The following WDR70 variants were observed in gnomAD, a reference collection of about 807,000 sequenced individuals.
WDR70 encodes WD repeat-containing protein 70.
A neutral mutation model predicts 88.6 loss-of-function variants in WDR70; 53 were observed. The ratio of observed to expected loss-of-function variants is 0.60; its 90% CI spans 0.48 to 0.75. The LOEUF is 0.75. WDR70 is among the 30% of genes least tolerant of loss of function. WDR70 has a pLI of 0.00. For synonymous variants in WDR70, 280 were observed against 270.0 expected, an observed-to-expected ratio of 1.04 and a Z score of -0.36; for missense variants, 610 against 823.2, an observed-to-expected ratio of 0.74 and a Z score of 3.17.
chr5:37,432,127 CA>C (rs1412305270), intron 5 of WDR70, among the ~76,000 whole-genome samples: 1 of 152,170 alleles, frequency 6.6e-6, no homozygotes, highest in Non-Finnish European at 1.5e-5. Context: ...GAGATACTAC[CA>C]AGCTGTTTTC....
At chr5:37,480,022 T>G (rs1393711013) in intron 8 of WDR70, 35 bp downstream of exon 8, 2 of 1,581,144 alleles carry the variant, frequency 1.3e-6, no homozygotes, top group East Asian at 2.2e-5. Context: ...ATGAATTAAT[T>G]CAGCACACAT....
At chr5:37,438,567 A>C (rs80072962) in intron 6 of WDR70, among the ~76,000 whole-genome samples, 5,369 of 152,206 alleles carry the variant, frequency 0.035, 327 homozygotes, top group African/African-American at 0.12. Context: ...GTAGTAGTTA[A>C]ATGAGTGAAA....
intron 13 of WDR70, among the ~76,000 whole-genome samples, chr5:37,718,717 C>G (rs1427110102): frequency 6.6e-6 from 1 of 152,082 alleles, no homozygotes; most frequent in Non-Finnish European, 1.5e-5. Context: ...AAATTGTCTC[C>G]AGCTCTACCT....
intron 17 of WDR70, among the ~76,000 whole-genome samples, chr5:37,740,518 A>T (rs1414894713): frequency 6.6e-6 from 1 of 152,192 alleles, no homozygotes; most frequent in Admixed American, 6.6e-5. Context: ...AACAACACAC[A>T]GCTCTTATTA....
chr5:37,527,914 C>G (rs536454943), intron 9 of WDR70, among the ~76,000 whole-genome samples: 1 of 152,278 alleles, frequency 6.6e-6, no homozygotes, highest in East Asian at 1.9e-4. Context: ...AAATTCAAAT[C>G]AAAACCACAA....
At chr5:37,515,382 T>G (rs967631661) in intron 8 of WDR70, among the ~76,000 whole-genome samples, 1 of 152,232 alleles carries the variant, frequency 6.6e-6, no homozygotes, top group Non-Finnish European at 1.5e-5. Context: ...GCCTATGATA[T>G]GCAGATAGAA....
At chr5:37,712,819 A>G (rs1316663425) in intron 13 of WDR70, among the ~76,000 whole-genome samples, 1 of 151,946 alleles carries the variant, frequency 6.6e-6, no homozygotes, top group African/African-American at 2.4e-5. Context: ...CTTGTGCCTC[A>G]GCCTCTCTAA....
intron 8 of WDR70, among the ~76,000 whole-genome samples, chr5:37,513,896 AG>A (rs1429208985): frequency 6.6e-5 from 10 of 152,170 alleles, no homozygotes; most frequent in African/African-American, 2.4e-4. Context: ...AGACACACCC[AG>A]GATCAATACT....
chr5:37,408,168 CAGTA>C (rs1417452902), intron 5 of WDR70, among the ~76,000 whole-genome samples: 24 of 151,998 alleles, frequency 1.6e-4, no homozygotes, highest in Non-Finnish European at 2.2e-4. Context: ...GCATTTTTGT[CAGTA>C]AGAAGGTAGA....
intron 10 of WDR70, among the ~76,000 whole-genome samples, chr5:37,623,117 C>T (rs558116597): frequency 1.3e-5 from 2 of 152,230 alleles, no homozygotes; most frequent in African/African-American, 2.4e-5. Flanking sequence ...TCAAGACTTT[C>T]TGCTTGGTAA....
At chr5:37,714,645 C>T (rs781434205) in intron 13 of WDR70, among the ~76,000 whole-genome samples, 1 of 152,144 alleles carries the variant, frequency 6.6e-6, no homozygotes, top group African/African-American at 2.4e-5. Context: ...CTAAGTGGAT[C>T]CCATGAGGTG....
At chr5:37,710,536 G>A (rs1747483191) in intron 13 of WDR70, among the ~76,000 whole-genome samples, 1 of 152,102 alleles carries the variant, frequency 6.6e-6, no homozygotes, top group South Asian at 2.1e-4. Flanking sequence ...ATTAGGGTGA[G>A]GCAAGTGAGA....
At chr5:37,546,681 G>A (rs552847667) in intron 9 of WDR70, among the ~76,000 whole-genome samples, 9 of 152,182 alleles carry the variant, frequency 5.9e-5, no homozygotes, top group Admixed American at 2.0e-4. Context: ...GACTTTGGGA[G>A]GCTGAGGCGG....
chr5:37,495,487 CGTGT>C lies in WDR70; in HGVS notation c.840+15513_840+15516del, dbSNP rs546438882. On this transcript the variant is annotated intron_variant, in intron 8 of 17. Transcript: ENST00000265107. ...CTCTTTCTCTCTCTCTGTGTGTGTG[CGTGT>C]GTGTGTGTGTGTTTTGAGGAAACCA... Among the ~76,000 whole-genome samples the C allele has an allele frequency of 2.3e-3, 344 of 149,860 alleles. 2 individuals carry two copies. The highest frequency in any genetic ancestry group is 8.0e-3 in the African/African-American group (326 of 40,862).
intron 10 of WDR70, among the ~76,000 whole-genome samples, chr5:37,671,711 G>GTAA (rs1746031354): frequency 6.6e-6 from 1 of 152,130 alleles, no homozygotes; most frequent in Admixed American, 6.5e-5. Flanking sequence ...ATACACTAGA[G>GTAA]TAATAGGCAG....
rs2112353624 is a variant in WDR70 at position 37,553,092 on chromosome 5, A to G, written c.917+36502A>G. Among the ~76,000 whole-genome samples the G allele has an allele frequency of 2.0e-5, 3 of 152,328 alleles. No homozygotes were observed. In the Middle Eastern group the frequency reaches 0.01, roughly 518 times the overall value. ...AATTTCTGGATCTTTTCTTACTTCA[A>G]AATAACCTCAGCCCCTGCTTTAATA... On this transcript the variant is annotated intron_variant, in intron 9 of 17. Transcript: ENST00000265107.
At chr5:37,545,556 T>TA (rs1331266366) in intron 9 of WDR70, among the ~76,000 whole-genome samples, 2 of 151,558 alleles carry the variant, frequency 1.3e-5, no homozygotes, top group Non-Finnish European at 2.9e-5. Flanking sequence ...TTTTTTGAGA[T>TA]AGAGTCTCAC....
chr5:37,658,717 A>C (rs531715548), intron 10 of WDR70, among the ~76,000 whole-genome samples: 1 of 152,282 alleles, frequency 6.6e-6, no homozygotes, highest in African/African-American at 2.4e-5. Context: ...TAGGTGCTCC[A>C]ACCGTTAAGA....
chr5:37,445,661 G>A (rs1247074824), intron 7 of WDR70, among the ~76,000 whole-genome samples: 1 of 152,138 alleles, frequency 6.6e-6, no homozygotes, highest in African/African-American at 2.4e-5. Context: ...ATGTAGTCCA[G>A]CATATAAACA....
Sources: allele counts gnomAD v4.1 joint callset (sites outside exome capture counted in the v4.1 genomes callset), GRCh38; gene constraint gnomAD v4.1.1; transcripts MANE v1.5; gene names NCBI Gene and HGNC (gene_info 2026-07-23, HGNC 2026-07-21).